The following THSD7B variants were observed in gnomAD, a reference collection of about 807,000 sequenced individuals.
The protein encoded by THSD7B is thrombospondin type 1 domain containing 7B.
Under a neutral mutation model 213.6 loss-of-function variants are expected in THSD7B, and 138 were observed. The ratio of observed to expected loss-of-function variants is 0.65; its 90% CI spans 0.56 to 0.74. The LOEUF (loss-of-function observed/expected upper bound fraction) is 0.74. Ranked by LOEUF, THSD7B falls within the 30% of genes least tolerant of loss-of-function variation. The probability of loss-of-function intolerance (pLI) is 0.00; values close to 1 mark genes in which losing one functional copy is unlikely to be tolerated. For missense variants in THSD7B, 1,931 were observed against 1,991.5 expected (o/e 0.97, Z 0.58); for synonymous variants, 742 against 687.0 (o/e 1.08, Z -1.25).
In THSD7B at chr2:137,441,984, TATTA is replaced by T. The variant is rs558946458; in HGVS notation, c.2960-8856_2960-8853del. Among the ~76,000 whole-genome samples the T allele has an allele frequency of 1.6e-4, 24 of 152,244 alleles. No individual in the cohort carries two copies. The South Asian group carries it at 4.8e-3, about 30-fold the overall frequency. On this transcript the variant is annotated intron_variant, in intron 14 of 27. Coordinates refer to ENST00000409968, the MANE Select transcript of THSD7B (RefSeq NM_001316349.2). ...ATGTTAGTATGTCACTTTCATCATA[TATTA>T]ATTATTTTCCACAGAATTCTACTTC...
chr2:137,558,132 G>T (rs930868656), intron 15 of THSD7B, among the ~76,000 whole-genome samples: 3 of 152,136 alleles, frequency 2.0e-5, no homozygotes, highest in Non-Finnish European at 4.4e-5. Context: ...TCTACCAGAG[G>T]TACAAGGAGG....
chr2:136,989,996 T>C (rs1193595336), intron 2 of THSD7B, among the ~76,000 whole-genome samples: 1 of 148,280 alleles, frequency 6.7e-6, no homozygotes, highest in Non-Finnish European at 1.5e-5. Context: ...TGTCTTCTGC[T>C]TTCTTTTCTT....
At chr2:137,064,600 C>T (rs956211812) in intron 3 of THSD7B, among the ~76,000 whole-genome samples, 23 of 151,918 alleles carry the variant, frequency 1.5e-4, no homozygotes, top group African/African-American at 5.1e-4. Context: ...AGAGTTTCCT[C>T]AGTGTTTTTT....
At chr2:137,450,513 G>T (rs1337037491) in intron 14 of THSD7B, among the ~76,000 whole-genome samples, 1 of 152,140 alleles carries the variant, frequency 6.6e-6, no homozygotes, top group African/African-American at 2.4e-5. Flanking sequence ...GTGAATCGTA[G>T]GAGGGAAACA....
At chr2:137,622,849 C>T (rs1682546232) in intron 20 of THSD7B, among the ~76,000 whole-genome samples, 2 of 152,028 alleles carry the variant, frequency 1.3e-5, no homozygotes, top group South Asian at 4.1e-4. Context: ...AGACTACCAA[C>T]CAAAAAAAGT....
intron 6 of THSD7B, among the ~76,000 whole-genome samples, chr2:137,169,191 C>T (rs12473650): frequency 0.26 from 38,427 of 149,418 alleles, 5,212 homozygotes; most frequent in Middle Eastern, 0.29. Flanking sequence ...AAACTCAAAG[C>T]ACTTAAAAAT....
intron 15 of THSD7B, among the ~76,000 whole-genome samples, chr2:137,532,389 G>A (rs1325444182): frequency 6.6e-6 from 1 of 151,568 alleles, no homozygotes; most frequent in Non-Finnish European, 1.5e-5. Context: ...TATAGAAAAG[G>A]CAAAACTTTA....
chr2:137,402,900 A>G (rs1054056814), intron 12 of THSD7B, among the ~76,000 whole-genome samples: 1 of 151,920 alleles, frequency 6.6e-6, no homozygotes, highest in African/African-American at 2.4e-5. Context: ...TATTCAGTGC[A>G]TTGTCATTTT....
rs147599657 is a variant in THSD7B, at chr2:137,436,585, T to C, written c.2960-14260T>C. Among the ~76,000 whole-genome samples, 5 of 152,318 alleles carry C rather than the reference T, an allele frequency of 3.3e-5. No homozygotes were observed. In the East Asian group the frequency reaches 9.6e-4, roughly 29 times the overall value. On this transcript the variant is annotated intron_variant, in intron 14 of 27. Transcript: ENST00000409968. The stretch of plus-strand genomic sequence containing the variant: ...TTTAGCATTTTACATTTATTTCCCA[T>C]TAGTGATCAATTAGCAAGCCTTCAT...
In THSD7B at chr2:137,543,967, G is replaced by A. The variant is rs117817686; in HGVS notation, c.3139-19254G>A. On this transcript the variant is annotated intron_variant, in intron 15 of 27. Transcript: ENST00000409968. ...CACAAAGATGCCTACAACACAGTAA[G>A]TGTTGGTGAAGATGTTGAGTAATTG... 4.0e-4 allele frequency among the ~76,000 whole-genome samples: 60 copies of A among 151,868 alleles called. No homozygotes were observed. In the East Asian group the frequency reaches 0.011, roughly 28 times the overall value.
rs1278738134 is a variant in THSD7B, at chr2:137,236,804, A to G, written c.2150+3671A>G. ...GTAGCCCAATGTGATGTATTTCAGC[A>G]CAGTGCTTATAAGAAGCTGAAGCTA... On this transcript the variant is annotated intron_variant, in intron 9 of 27. Coordinates refer to ENST00000409968, the MANE Select transcript of THSD7B (RefSeq NM_001316349.2). 3.3e-5 allele frequency among the ~76,000 whole-genome samples: 5 copies of G among 152,144 alleles called. No homozygotes were observed. The East Asian group carries it at 7.7e-4, about 23-fold the overall frequency.
chr2:137,514,958 A>C (rs745352665), intron 15 of THSD7B, among the ~76,000 whole-genome samples: 1 of 152,226 alleles, frequency 6.6e-6, no homozygotes, highest in Non-Finnish European at 1.5e-5. Context: ...TCCCGGCTTC[A>C]GAAGCAAATA....
intron 1 of THSD7B, among the ~76,000 whole-genome samples, chr2:136,867,823 C>T (rs888448118): frequency 1.3e-5 from 2 of 152,080 alleles, no homozygotes; most frequent in Non-Finnish European, 2.9e-5. Flanking sequence ...AGAAATTGCT[C>T]CTTGAAATTT....
intron 2 of THSD7B, among the ~76,000 whole-genome samples, chr2:136,890,859 AT>A (rs144307389): frequency 7.4e-5 from 11 of 148,120 alleles, no homozygotes; most frequent in East Asian, 2.0e-4. Context: ...CACTTCTGAG[AT>A]TTTTTTTTTA....
intron 2 of THSD7B, among the ~76,000 whole-genome samples, chr2:136,958,255 T>C (rs1685158180): frequency 6.6e-6 from 1 of 152,218 alleles, no homozygotes; most frequent in South Asian, 2.1e-4. Flanking sequence ...AGAGTCATAG[T>C]TGTGTCCTGC....
At chr2:136,943,327 T>G (rs1465381421) in intron 2 of THSD7B, among the ~76,000 whole-genome samples, 1 of 152,244 alleles carries the variant, frequency 6.6e-6, no homozygotes. Flanking sequence ...TCAGGGATAT[T>G]GGTCTAAAAT....
intron 17 of THSD7B, among the ~76,000 whole-genome samples, chr2:137,598,742 C>G (rs138316877): frequency 4.5e-4 from 68 of 152,254 alleles, no homozygotes; most frequent in Admixed American, 1.0e-3. Flanking sequence ...TTACTATACT[C>G]TATCTAGGCC....
intron 2 of THSD7B, among the ~76,000 whole-genome samples, chr2:136,903,213 G>A (rs533612606): frequency 6.6e-6 from 1 of 152,148 alleles, no homozygotes; most frequent in Non-Finnish European, 1.5e-5. Flanking sequence ...CAGCACAGTT[G>A]CCTGGCATAT....
At chr2:136,916,858 G>A (rs1475835459) in intron 2 of THSD7B, among the ~76,000 whole-genome samples, 2 of 152,138 alleles carry the variant, frequency 1.3e-5, no homozygotes, top group East Asian at 3.9e-4. Flanking sequence ...TCCTGATACT[G>A]GTTGCCATGA....
Sources: gnomAD v4.1 joint callset for allele counts (sites outside exome capture counted in the v4.1 genomes callset) on GRCh38, gnomAD v4.1.1 for gene constraint, MANE v1.5 for transcripts, NCBI Gene and HGNC (gene_info 2026-07-23, HGNC 2026-07-21) for gene names.